DHRS7B: variants seen among roughly 807,000 people sequenced by gnomAD.
The protein encoded by DHRS7B is dehydrogenase/reductase 7B, also known as peroxisomal reductase activating PPAR-gamma.
Under a neutral mutation model 26.4 loss-of-function variants are expected in DHRS7B, and 24 were observed. That is an observed-to-expected ratio of 0.91 (90% confidence interval 0.66 to 1.28). DHRS7B has a LOEUF of 1.28. Ranked by LOEUF, DHRS7B falls within the 50% of genes most tolerant of loss-of-function variation. The pLI is 0.00. For synonymous variants in DHRS7B, 142 were observed against 166.4 expected (o/e 0.85, Z 1.13); for missense variants, 368 against 419.4 (o/e 0.88, Z 1.07).
chr17:21,177,131 G>A (rs9901610), intron 2 of DHRS7B, among the ~76,000 whole-genome samples: 8,563 of 152,122 alleles, frequency 0.056, 339 homozygotes, highest in African/African-American at 0.12. Context: ...ACCCTTGCTG[G>A]GCCCCCCACT....
chr17:21,150,693 A>G (rs966812380), intron 1 of DHRS7B, among the ~76,000 whole-genome samples: 1 of 152,226 alleles, frequency 6.6e-6, no homozygotes, highest in Non-Finnish European at 1.5e-5. Flanking sequence ...ACATGCCGAG[A>G]GCTATAATAA....
intron 1 of DHRS7B, among the ~76,000 whole-genome samples, chr17:21,152,126 T>C (rs1030045860): frequency 6.6e-6 from 1 of 152,202 alleles, no homozygotes; most frequent in Non-Finnish European, 1.5e-5. Context: ...TCTCTTTTCT[T>C]TATGAATTAC....
intron 1 of DHRS7B, among the ~76,000 whole-genome samples, chr17:21,163,902 C>A (rs1442855544): frequency 6.6e-6 from 1 of 151,712 alleles, no homozygotes; most frequent in Non-Finnish European, 1.5e-5. Context: ...TTGCCCAGGC[C>A]AGTCTCAAGC....
At chr17:21,178,403 G>A in intron 3 of DHRS7B, 61 bp downstream of exon 3, 1 of 1,381,112 alleles carries the variant, frequency 7.2e-7, no homozygotes, top group Non-Finnish European at 1.0e-6. Flanking sequence ...TAGGCACTGA[G>A]GAGATAGTGG....
intron 3 of DHRS7B, among the ~76,000 whole-genome samples, chr17:21,178,678 ACACGGAGTCTCGCT>A (rs1974444715): frequency 7.5e-6 from 1 of 133,266 alleles, no homozygotes; most frequent in Non-Finnish European, 1.6e-5. Flanking sequence ...TTTTTTTGGG[ACACGGAGTCTCGCT>A]CTGTCACCCA....
At chr17:21,144,223 G>T (rs938141141) in intron 1 of DHRS7B, among the ~76,000 whole-genome samples, 8 of 152,168 alleles carry the variant, frequency 5.3e-5, no homozygotes, top group African/African-American at 1.9e-4. Context: ...AGTGAATGAG[G>T]AACTGTTACC....
At position 21,160,895 on chromosome 17, in the gene DHRS7B, A is replaced by G. The variant is rs115498524; in HGVS notation, c.21-11123A>G. On this transcript the variant is annotated intron_variant, in intron 1 of 6. Coordinates refer to ENST00000395511, the MANE Select transcript of DHRS7B (RefSeq NM_015510.5). ...ATTCAGTACTAAAAAAAAATGAGCT[A>G]TGAAGCTATGAAAAGACATGGAGGA... Among the ~76,000 whole-genome samples, 768 of 152,346 alleles carry G rather than the reference A, an allele frequency of 5.0e-3. 6 individuals carry two copies. The highest frequency in any genetic ancestry group is 0.018 in the African/African-American group (736 of 41,576).
intron 5 of DHRS7B, among the ~76,000 whole-genome samples, chr17:21,187,650 AGG>A (rs1974674631): frequency 7.0e-6 from 1 of 141,980 alleles, no homozygotes; most frequent in Non-Finnish European, 1.6e-5. Context: ...AAAAAAAAAA[AGG>A]AAAAAAAAGA....
At chr17:21,169,435 A>G (rs936340917) in intron 1 of DHRS7B, among the ~76,000 whole-genome samples, 3 of 152,096 alleles carry the variant, frequency 2.0e-5, no homozygotes, top group African/African-American at 4.8e-5. Context: ...ATCCAACCTC[A>G]TAACAAACCC....
chr17:21,135,640 ATAAT>A (rs946870433), intron 1 of DHRS7B, among the ~76,000 whole-genome samples: 5 of 152,218 alleles, frequency 3.3e-5, no homozygotes, highest in Admixed American at 3.3e-4. Flanking sequence ...AATTTTATAA[ATAAT>A]CTATAAGATT....
intron 5 of DHRS7B, among the ~76,000 whole-genome samples, chr17:21,188,302 A>AAT (rs1247653943): frequency 2.6e-5 from 4 of 152,074 alleles, no homozygotes. Flanking sequence ...TACCGTTTAT[A>AAT]ATATATATAA....
At chr17:21,160,697 C>T (rs2144055564) in intron 1 of DHRS7B, among the ~76,000 whole-genome samples, 1 of 152,308 alleles carries the variant, frequency 6.6e-6, no homozygotes, top group Admixed American at 6.5e-5. Flanking sequence ...TCTTAACATA[C>T]ACCACAGTAA....
chr17:21,179,476 C>G (rs1449938843), intron 3 of DHRS7B, among the ~76,000 whole-genome samples: 1 of 151,960 alleles, frequency 6.6e-6, no homozygotes, highest in East Asian at 1.9e-4. Context: ...GGTGCATGCC[C>G]GTAGTCCCAA....
intron 1 of DHRS7B, among the ~76,000 whole-genome samples, chr17:21,149,910 C>G (rs1331340003): frequency 6.6e-6 from 1 of 151,902 alleles, no homozygotes; most frequent in East Asian, 1.9e-4. Context: ...GTAGTAAGTT[C>G]TTATCAATAA....
chr17:21,184,326 G>T (rs767306153), intron 4 of DHRS7B, 45 bp from the exon 5 acceptor site: 1 of 1,542,156 alleles, frequency 6.5e-7, no homozygotes. Context: ...CGGGTGCAAT[G>T]ACTGGAAGTA....
chr17:21,184,540 T>A (rs1187638183), intron 5 of DHRS7B, 77 bp downstream of exon 5: 11 of 1,389,684 alleles, frequency 7.9e-6, no homozygotes, highest in Non-Finnish European at 1.1e-5. Flanking sequence ...ATTTACTATC[T>A]AGAATTTAGA....
At chr17:21,187,298 G>A (rs1044456596) in intron 5 of DHRS7B, among the ~76,000 whole-genome samples, 1 of 151,508 alleles carries the variant, frequency 6.6e-6, no homozygotes, top group African/African-American at 2.4e-5. Context: ...CTCTACTCCA[G>A]CCTGGGTAAC....
intron 1 of DHRS7B, among the ~76,000 whole-genome samples, chr17:21,159,777 G>A (rs1973960764): frequency 1.3e-5 from 2 of 150,046 alleles, no homozygotes; most frequent in Admixed American, 1.3e-4. Flanking sequence ...GGGAAGCTGA[G>A]GCAGGAGAAT....
At chr17:21,140,729 G>C (rs946059750) in intron 1 of DHRS7B, among the ~76,000 whole-genome samples, 1 of 152,080 alleles carries the variant, frequency 6.6e-6, no homozygotes, top group Non-Finnish European at 1.5e-5. Context: ...TAGTTTGCAG[G>C]TCAACCTTAG....
Sources: allele counts gnomAD v4.1 joint callset (sites outside exome capture counted in the v4.1 genomes callset), GRCh38; gene constraint gnomAD v4.1.1; transcripts MANE v1.5; gene names NCBI Gene and HGNC (gene_info 2026-07-23, HGNC 2026-07-21).